UNC5D: variants seen among roughly 807,000 people sequenced by gnomAD.
The protein encoded by UNC5D is unc-5 netrin receptor D.
A neutral mutation model predicts 105.4 loss-of-function variants in UNC5D; 39 were observed. That is an observed-to-expected ratio of 0.37 (90% confidence interval 0.29 to 0.48). The LOEUF (loss-of-function observed/expected upper bound fraction) is 0.48, where lower values mean the gene tolerates loss of function less well. Ranked by LOEUF, UNC5D falls within the 20% of genes least tolerant of loss-of-function variation. The pLI is 0.98. For missense variants in UNC5D, 991 were observed against 1,202.4 expected (o/e 0.82, Z 2.60); for synonymous variants, 452 against 450.4 (o/e 1.00, Z -0.04).
At chr8:35,432,288 C>A (rs894131164) in intron 1 of UNC5D, among the ~76,000 whole-genome samples, 7 of 152,200 alleles carry the variant, frequency 4.6e-5, no homozygotes, top group Non-Finnish European at 1.0e-4. Flanking sequence ...GTTATTATTA[C>A]CCCATCCTGA....
At chr8:35,633,773 G>T (rs546854545) in intron 4 of UNC5D, among the ~76,000 whole-genome samples, 1 of 152,214 alleles carries the variant, frequency 6.6e-6, no homozygotes, top group Non-Finnish European at 1.5e-5. Flanking sequence ...AGAATGACCA[G>T]GTCTGCAGTT....
At chr8:35,302,845 A>G (rs1005337087) in intron 1 of UNC5D, among the ~76,000 whole-genome samples, 3 of 152,312 alleles carry the variant, frequency 2.0e-5, no homozygotes, top group Admixed American at 6.5e-5. Flanking sequence ...TTATATGTAT[A>G]CATTTTAATG....
intron 4 of UNC5D, among the ~76,000 whole-genome samples, chr8:35,596,585 C>T (rs1819506670): frequency 6.6e-6 from 1 of 151,990 alleles, no homozygotes; most frequent in Non-Finnish European, 1.5e-5. Context: ...GGTCAGAGCA[C>T]AGTTTGGTTT....
At chr8:35,262,568 T>A (rs1195287578) in intron 1 of UNC5D, among the ~76,000 whole-genome samples, 2 of 152,126 alleles carry the variant, frequency 1.3e-5, no homozygotes, top group Non-Finnish European at 2.9e-5. Flanking sequence ...CACCCAAACC[T>A]GAAGAGCAAT....
At chr8:35,532,542 G>A (rs1215894750) in intron 1 of UNC5D, among the ~76,000 whole-genome samples, 3 of 48,320 alleles carry the variant, frequency 6.2e-5, no homozygotes, top group African/African-American at 2.1e-4. Flanking sequence ...TGCTCTTCTC[G>A]AGGAGTATCT....
At chr8:35,291,031 A>G (rs375455653) in intron 1 of UNC5D, among the ~76,000 whole-genome samples, 1 of 152,082 alleles carries the variant, frequency 6.6e-6, no homozygotes, top group African/African-American at 2.4e-5. Flanking sequence ...ACTTTTGGCT[A>G]TCCTTGTGGG....
rs547021340 is a variant in UNC5D, at chr8:35,511,137, G to A, written c.104-38155G>A. Among the ~76,000 whole-genome samples the A allele has an allele frequency of 5.3e-5, 8 of 152,274 alleles. No individual in the cohort carries two copies. The South Asian group carries it at 1.2e-3, about 24-fold the overall frequency. On this transcript the variant is annotated intron_variant, in intron 1 of 16. Transcript: ENST00000404895. The stretch of plus-strand genomic sequence containing the variant: ...ATACCTTAAGATCTATGTAAGAGCA[G>A]TTCTTCTTTCACTGATTCTTCCCAT...
intron 1 of UNC5D, among the ~76,000 whole-genome samples, chr8:35,349,194 G>T (rs1304927283): frequency 6.6e-6 from 1 of 151,790 alleles, no homozygotes; most frequent in Non-Finnish European, 1.5e-5. Flanking sequence ...AGATATTGAT[G>T]GCATTCTTTT....
At chr8:35,523,879 T>C (rs1813668520) in intron 1 of UNC5D, among the ~76,000 whole-genome samples, 1 of 48,418 alleles carries the variant, frequency 2.1e-5, no homozygotes, top group African/African-American at 8.4e-5. Context: ...CACGGGGCAA[T>C]GGGTGCCAAT....
At chr8:35,570,720 A>G (rs1469873997) in intron 3 of UNC5D, among the ~76,000 whole-genome samples, 1 of 152,014 alleles carries the variant, frequency 6.6e-6, no homozygotes, top group Non-Finnish European at 1.5e-5. Context: ...TTCGGAGGCC[A>G]AGGTGGGTGG....
intron 1 of UNC5D, among the ~76,000 whole-genome samples, chr8:35,307,166 A>G (rs2128875914): frequency 6.6e-6 from 1 of 152,320 alleles, no homozygotes; most frequent in East Asian, 1.9e-4. Context: ...AAAGTTTACG[A>G]ATTTTTGTTG....
chr8:35,754,808 C>T (rs1264911800), intron 13 of UNC5D, among the ~76,000 whole-genome samples: 1 of 152,140 alleles, frequency 6.6e-6, no homozygotes, highest in Non-Finnish European at 1.5e-5. Flanking sequence ...TTGACAAAAA[C>T]AAAATACTTT....
chr8:35,539,642 T>A (rs1048088659), intron 1 of UNC5D, among the ~76,000 whole-genome samples: 2 of 152,162 alleles, frequency 1.3e-5, no homozygotes, highest in Non-Finnish European at 2.9e-5. Flanking sequence ...TCGGTTCGGA[T>A]TTTCTCTAAG....
chr8:35,500,946 A>G (rs1563477488), intron 1 of UNC5D, among the ~76,000 whole-genome samples: 2 of 108,796 alleles, frequency 1.8e-5, no homozygotes, highest in Non-Finnish European at 3.5e-5. Flanking sequence ...CAAAGGAAAT[A>G]GGAGGAAAGT....
chr8:35,358,415 G>A (rs896273121), intron 1 of UNC5D, among the ~76,000 whole-genome samples: 2 of 152,140 alleles, frequency 1.3e-5, no homozygotes, highest in Admixed American at 1.3e-4. Flanking sequence ...AACACCGCAT[G>A]TTCTCATTTA....
intron 1 of UNC5D, among the ~76,000 whole-genome samples, chr8:35,459,981 C>T (rs1271603370): frequency 6.6e-6 from 1 of 152,142 alleles, no homozygotes; most frequent in Non-Finnish European, 1.5e-5. Flanking sequence ...TTCGGCTCCA[C>T]GATTCATCAT....
chr8:35,387,223 C>T (rs1803462409), intron 1 of UNC5D, among the ~76,000 whole-genome samples: 1 of 151,782 alleles, frequency 6.6e-6, no homozygotes, highest in South Asian at 2.1e-4. Context: ...ATTAGCTGGG[C>T]GTGGTGCTGT....
At position 35,716,353 on chromosome 8, in the gene UNC5D, T is replaced by C. The variant is rs138129564; in HGVS notation, c.1118-5857T>C. On this transcript the variant is annotated intron_variant, in intron 8 of 16. Coordinates refer to ENST00000404895, the MANE Select transcript of UNC5D (RefSeq NM_080872.4). The stretch of plus-strand genomic sequence containing the variant: ...GAAAGAGAAGTCAGCATAAGGTTAG[T>C]GCTCAGTTACTGAGTTACTGTGGTT... Among the ~76,000 whole-genome samples, 22 of 152,316 alleles carry C rather than the reference T, an allele frequency of 1.4e-4. No individual in the cohort carries two copies. In the East Asian group the frequency reaches 3.3e-3, roughly 23 times the overall value.
intron 1 of UNC5D, among the ~76,000 whole-genome samples, chr8:35,528,574 G>C (rs1175187873): frequency 6.8e-6 from 1 of 146,534 alleles, no homozygotes; most frequent in East Asian, 2.1e-4. Context: ...TAATGGGATG[G>C]CTGGGTCAAA....
Sources: allele counts gnomAD v4.1 joint callset (sites outside exome capture counted in the v4.1 genomes callset), GRCh38; gene constraint gnomAD v4.1.1; transcripts MANE v1.5; gene names NCBI Gene and HGNC (gene_info 2026-07-23, HGNC 2026-07-21).